Variants in ZMAT4 observed in about 807,000 individuals in gnomAD.
ZMAT4 encodes zinc finger matrin-type 4.
A neutral mutation model predicts 28.7 loss-of-function variants in ZMAT4; 17 were observed. The observed-to-expected ratio is 0.59, with a 90% CI of 0.41 to 0.89. ZMAT4 has a LOEUF of 0.89. Ranked by LOEUF, ZMAT4 falls within the 40% of genes least tolerant of loss-of-function variation. The pLI, the probability that ZMAT4 is intolerant of heterozygous loss-of-function variation, is 0.00. For synonymous variants in ZMAT4, 117 were observed against 109.2 expected (o/e 1.07, Z -0.44); for missense variants, 240 against 283.8 (o/e 0.85, Z 1.11).
At chr8:40,684,985 T>G (rs1809336225) in intron 4 of ZMAT4, among the ~76,000 whole-genome samples, 1 of 152,200 alleles carries the variant, frequency 6.6e-6, no homozygotes, top group Admixed American at 6.5e-5. Context: ...ACATTGGTCT[T>G]AATAACCTAT....
At chr8:40,669,657 A>G (rs985756488) in intron 5 of ZMAT4, among the ~76,000 whole-genome samples, 8 of 152,344 alleles carry the variant, frequency 5.3e-5, no homozygotes, top group African/African-American at 1.9e-4. Flanking sequence ...TACAGTATAA[A>G]GTATGTATAA....
chr8:40,799,212 T>TGGAG (rs1814729364), intron 2 of ZMAT4, among the ~76,000 whole-genome samples: 1 of 126,094 alleles, frequency 7.9e-6, no homozygotes, highest in African/African-American at 3.1e-5. Flanking sequence ...GATGGGTGGA[T>TGGAG]GGATGGATGG....
At chr8:40,594,687 A>T (rs911127571) in intron 5 of ZMAT4, among the ~76,000 whole-genome samples, 3 of 152,324 alleles carry the variant, frequency 2.0e-5, no homozygotes, top group Non-Finnish European at 4.4e-5. Context: ...AAAAATAAAG[A>T]CCTAACTCGT....
At chr8:40,836,569 A>G (rs1438476892) in intron 1 of ZMAT4, among the ~76,000 whole-genome samples, 1 of 152,228 alleles carries the variant, frequency 6.6e-6, no homozygotes, top group Admixed American at 6.5e-5. Context: ...CAGAATACAG[A>G]CGAATCATAG....
At chr8:40,783,054 A>G (rs1181167585) in intron 2 of ZMAT4, among the ~76,000 whole-genome samples, 2 of 152,244 alleles carry the variant, frequency 1.3e-5, no homozygotes, top group African/African-American at 2.4e-5. Context: ...AATTTCACTC[A>G]TAGGTGTACG....
chr8:40,641,660 C>T (rs1807032148), intron 5 of ZMAT4, among the ~76,000 whole-genome samples: 1 of 152,142 alleles, frequency 6.6e-6, no homozygotes, highest in Non-Finnish European at 1.5e-5. Context: ...CTCTGTGTTT[C>T]CTCTGCCCTC....
intron 1 of ZMAT4, among the ~76,000 whole-genome samples, chr8:40,869,697 A>C (rs1419143248): frequency 6.6e-6 from 1 of 152,212 alleles, no homozygotes; most frequent in African/African-American, 2.4e-5. Context: ...AATCATGTGC[A>C]TACAATTCCT....
At chr8:40,693,336 A>G (rs373558598) in intron 4 of ZMAT4, among the ~76,000 whole-genome samples, 1 of 151,816 alleles carries the variant, frequency 6.6e-6, no homozygotes, top group Non-Finnish European at 1.5e-5. Flanking sequence ...GGCTGGTATC[A>G]AATTCCTGGG....
At chr8:40,718,717 C>T (rs1810957400) in intron 3 of ZMAT4, among the ~76,000 whole-genome samples, 1 of 152,038 alleles carries the variant, frequency 6.6e-6, no homozygotes, top group African/African-American at 2.4e-5. Context: ...GAGAGAAAAG[C>T]AAGCAAAAAA....
At chr8:40,795,681 G>A (rs1461743609) in intron 2 of ZMAT4, among the ~76,000 whole-genome samples, 1 of 152,164 alleles carries the variant, frequency 6.6e-6, no homozygotes, top group Admixed American at 6.5e-5. Flanking sequence ...TCAATCCCCA[G>A]ATTTATTTTA....
intron 5 of ZMAT4, among the ~76,000 whole-genome samples, chr8:40,606,902 A>T (rs1163778900): frequency 1.3e-5 from 2 of 151,714 alleles, no homozygotes; most frequent in Admixed American, 1.3e-4. Context: ...TCATTTTTTT[A>T]AAAATCCTTT....
intron 1 of ZMAT4, among the ~76,000 whole-genome samples, chr8:40,895,103 G>C (rs962572515): frequency 6.6e-6 from 1 of 152,156 alleles, no homozygotes; most frequent in Non-Finnish European, 1.5e-5. Flanking sequence ...GGTAACTCAC[G>C]CAGGGCTTGG....
At chr8:40,844,165 A>AAAT (rs1266097842) in intron 1 of ZMAT4, among the ~76,000 whole-genome samples, 1 of 152,222 alleles carries the variant, frequency 6.6e-6, no homozygotes, top group Non-Finnish European at 1.5e-5. Flanking sequence ...GAGGTAAATA[A>AAAT]AATAATAATT....
At chr8:40,786,216 T>C (rs184198116) in intron 2 of ZMAT4, among the ~76,000 whole-genome samples, 2 of 152,210 alleles carry the variant, frequency 1.3e-5, no homozygotes, top group Non-Finnish European at 2.9e-5. Flanking sequence ...TCAATCCAAT[T>C]TCTGGTATTT....
Position 40,867,932 on chromosome 8 carries a change from T to TA in ZMAT4, c.-5+29750dup, listed in dbSNP as rs556642704. The stretch of plus-strand genomic sequence containing the variant: ...GTATCCCAGAACCTAAAATAAAATA[T>TA]AAAAAAAAAAAATTAAAGGATTTGC... On this transcript the variant is annotated intron_variant, in intron 1 of 6. Transcript: ENST00000297737. Among the ~76,000 whole-genome samples, 770 of 145,640 alleles carry TA rather than the reference T, an allele frequency of 5.3e-3. 3 individuals are homozygous for TA. The highest frequency in any genetic ancestry group is 0.015 in the African/African-American group (581 of 39,882).
At chr8:40,751,650 C>T (rs947327175) in intron 3 of ZMAT4, among the ~76,000 whole-genome samples, 4 of 152,002 alleles carry the variant, frequency 2.6e-5, no homozygotes, top group East Asian at 1.9e-4. Context: ...CCTGAACTAA[C>T]GGGCCTGATG....
intron 5 of ZMAT4, among the ~76,000 whole-genome samples, chr8:40,673,623 T>C (rs1208950194): frequency 6.6e-6 from 1 of 152,136 alleles, no homozygotes; most frequent in African/African-American, 2.4e-5. Flanking sequence ...TCAGAAAATA[T>C]AATATGCAAT....
At chr8:40,785,785 G>A (rs1474068827) in intron 2 of ZMAT4, among the ~76,000 whole-genome samples, 1 of 151,998 alleles carries the variant, frequency 6.6e-6, no homozygotes. Context: ...TAACGTTATT[G>A]GGCACCACAT....
intron 5 of ZMAT4, among the ~76,000 whole-genome samples, chr8:40,647,917 C>A (rs1445948048): frequency 2.6e-5 from 4 of 152,314 alleles, no homozygotes; most frequent in East Asian, 1.9e-4. Flanking sequence ...CACCAAAAAC[C>A]ATCTGTACAT....
Sources: allele counts gnomAD v4.1 joint callset (sites outside exome capture counted in the v4.1 genomes callset), GRCh38; gene constraint gnomAD v4.1.1; transcripts MANE v1.5; gene names NCBI Gene and HGNC (gene_info 2026-07-23, HGNC 2026-07-21).